Variants in FCN2 observed in about 807,000 individuals in gnomAD.
FCN2 encodes the protein ficolin 2, also known as ficolin-2.
Under a neutral mutation model 32.5 loss-of-function variants are expected in FCN2, and 31 were observed. That is an observed-to-expected ratio of 0.96 (90% CI 0.72 to 1.29). The LOEUF (loss-of-function observed/expected upper bound fraction) is 1.29, where lower values mean the gene tolerates loss of function less well. Ranked by LOEUF, FCN2 falls within the 50% of genes most tolerant of loss-of-function variation. The pLI, the probability that FCN2 is intolerant of heterozygous loss-of-function variation, is 0.00. For synonymous variants in FCN2, 181 were observed against 164.5 expected, an observed-to-expected ratio of 1.10 and a Z score of -0.77; for missense variants, 412 against 406.5, an observed-to-expected ratio of 1.01 and a Z score of -0.12.
At chr9:134,869,108 C>T in the FCN2 span, among the ~76,000 whole-genome samples, 1 of 152,216 alleles carries the variant, frequency 6.6e-6, no homozygotes, top group Non-Finnish European at 1.5e-5. Flanking sequence ...AGCCACCTGA[C>T]CCCGGCCGCC....
chr9:134,885,151 C>T (rs935042003), intron 4 of FCN2, 88 bp from the exon 5 acceptor site: 22 of 1,569,124 alleles, frequency 1.4e-5, no homozygotes, highest in Non-Finnish European at 1.9e-5. Context: ...GCCTATGGCC[C>T]TGCTTCTTCC....
rs1588644371 is a variant in FCN2 at position 134,884,678 on chromosome 9, G to A, written c.269-62G>A. 3.9e-6 allele frequency: 6 copies of A among 1,528,620 alleles called. No individual in the cohort carries two copies. The East Asian group carries it at 1.1e-4, about 29-fold the overall frequency. The allele number at this position is 1,528,620 out of a possible 1,614,324, so 94.7% of individuals were successfully genotyped here. A position where few individuals can be genotyped will look rare whatever the true frequency, so the allele number is the denominator to read the frequency against. On this transcript the variant is annotated intron_variant, in intron 3 of 7. Coordinates refer to ENST00000291744, the MANE Select transcript of FCN2 (RefSeq NM_004108.3). ...CAGAAAATGGTGTCCGCGGACCAAT[G>A]GGGGCTGAAGGGCTCTGATTTCCAA...
At chr9:134,884,909 C>G in intron 4 of FCN2, 137 bp downstream of exon 4, 1 of 849,770 alleles carries the variant, frequency 1.2e-6, no homozygotes, top group East Asian at 2.7e-5. Context: ...TTTCCTTGTC[C>G]CCTAATTATT....
chr9:134,886,310 T>C, intron 6 of FCN2, 120 bp from the exon 7 acceptor site: 1 of 1,202,452 alleles, frequency 8.3e-7, no homozygotes, highest in Non-Finnish European at 1.2e-6. Flanking sequence ...GCTGCGGTGC[T>C]CTCCGCCCTC....
In FCN2 at chr9:134,882,605, G is replaced by C; in HGVS notation, c.180G>C (p.Gly60=). 1 of 1,613,926 alleles carries C rather than the reference G, an allele frequency of 6.2e-7. No individual in the cohort carries two copies. Among genetic ancestry groups the C allele is most frequent in the Non-Finnish European group, 8.5e-7 (1 of 1,179,866 alleles). ...GTCCGGGGCTGCCTGGGGCCCCTGG[G>C]CCCAAGGGAGAGGCAGGCACCAATG... is the stretch of plus-strand genomic sequence containing the variant. ...RGCPGLPGAP[G]PKGEAGTNGK... The change falls in exon 2 of 8, where the codon GGG becomes GGC. Residue 60 remains glycine, a synonymous_variant. Transcript: ENST00000291744.
chr9:134,866,477 C>T, the FCN2 span, among the ~76,000 whole-genome samples: 1 of 149,964 alleles, frequency 6.7e-6, no homozygotes, highest in African/African-American at 2.4e-5. Context: ...ACACCTTATA[C>T]AAAAATCAAT....
chr9:134,870,809 G>C, the FCN2 span, among the ~76,000 whole-genome samples: 2 of 152,160 alleles, frequency 1.3e-5, no homozygotes, highest in African/African-American at 4.8e-5. The surrounding 1 kb of genome is among the most constrained non-coding windows in gnomAD (Gnocchi z 4.3). Context: ...ACGAAGGTGG[G>C]GTGGGAGGGA....
At chr9:134,875,275 T>C in the FCN2 span, among the ~76,000 whole-genome samples, 47 of 152,352 alleles carry the variant, frequency 3.1e-4, no homozygotes, top group Non-Finnish European at 5.4e-4. Context: ...TCTAATTGCA[T>C]TCATTCAGTC....
At chr9:134,882,689 AGAT>A in intron 2 of FCN2, 50 bp downstream of exon 2, 1 of 1,328,776 alleles carries the variant, frequency 7.5e-7, no homozygotes, top group Non-Finnish European at 1.1e-6. Context: ...TTTTGAAACC[AGAT>A]GCTGAGTTGG....
At chr9:134,866,739 A>G in the FCN2 span, among the ~76,000 whole-genome samples, 1 of 129,472 alleles carries the variant, frequency 7.7e-6, no homozygotes. Context: ...CAACCTACTC[A>G]TCTGACAAAG....
In FCN2 at chr9:134,886,508, C is replaced by T; in HGVS notation, c.638C>T (p.Ala213Val). 1 of 1,614,156 alleles carries T rather than the reference C, an allele frequency of 6.2e-7. No homozygotes were observed. Among genetic ancestry groups the T allele is most frequent in the South Asian group, 1.1e-5 (1 of 91,074 alleles). Reference sequence around the variant, plus strand: ...GCTAAGTACAGATCATTCAAGGTGGCCGACGAGGCGGAGAAGTACAATCTG... The same window carrying T: ...GCTAAGTACAGATCATTCAAGGTGGTCGACGAGGCGGAGAAGTACAATCTG... Reference protein sequence around the residue: ...QFAKYRSFKVADEAEKYNLVL... With the variant: ...QFAKYRSFKVVDEAEKYNLVL... Residue 213 changes from alanine (A) to valine (V), a missense_variant, in exon 7 of 8, where the codon GCC becomes GTC. Ala to Val is a moderately conservative substitution (Grantham distance 64). Coordinates refer to ENST00000291744, the MANE Select transcript of FCN2 (RefSeq NM_004108.3).
chr9:134,880,735 G>A (rs531062362), upstream of FCN2: 16 of 1,067,246 alleles, frequency 1.5e-5, no homozygotes, highest in African/African-American at 6.2e-5. Flanking sequence ...GCTGTCACTC[G>A]GAAGATGAGA....
At chr9:134,875,482 A>C in the FCN2 span, among the ~76,000 whole-genome samples, 1 of 152,218 alleles carries the variant, frequency 6.6e-6, no homozygotes, top group African/African-American at 2.4e-5. Flanking sequence ...CCAAGAGTAC[A>C]GCAAAGAGGA....
chr9:134,884,565 A>G (rs1830714951), intron 3 of FCN2, among the ~76,000 whole-genome samples, 175 bp from the exon 4 acceptor site: 1 of 152,214 alleles, frequency 6.6e-6, no homozygotes, highest in Non-Finnish European at 1.5e-5. Flanking sequence ...CAGTGTAGGC[A>G]TCCCTCGAGG....
the FCN2 span, among the ~76,000 whole-genome samples, chr9:134,875,569 C>G: frequency 7.2e-4 from 109 of 152,338 alleles, no homozygotes; most frequent in African/African-American, 2.4e-3. Context: ...GTTGCATTCT[C>G]TCACTCCCTT....
chr9:134,871,099 T>G, the FCN2 span, among the ~76,000 whole-genome samples: 6 of 152,302 alleles, frequency 3.9e-5, no homozygotes, highest in South Asian at 1.2e-3. Flanking sequence ...ATTGGTTGAT[T>G]GAGCGCTACG....
At chr9:134,866,475 T>A in the FCN2 span, among the ~76,000 whole-genome samples, 20,770 of 149,494 alleles carry the variant, frequency 0.14, 2,071 homozygotes, top group East Asian at 0.37. Context: ...TTACACCTTA[T>A]ACAAAAATCA....
At chr9:134,874,862 G>C in the FCN2 span, among the ~76,000 whole-genome samples, 2 of 152,074 alleles carry the variant, frequency 1.3e-5, no homozygotes, top group Non-Finnish European at 2.9e-5. Context: ...CATTTACTTA[G>C]ATCTTTAATT....
chr9:134,867,425 G>A, the FCN2 span, among the ~76,000 whole-genome samples: 2 of 146,210 alleles, frequency 1.4e-5, no homozygotes, highest in Non-Finnish European at 3.0e-5. Flanking sequence ...TCACTCATAG[G>A]TGGGAATTGA....
Sources: allele counts gnomAD v4.1 joint callset (sites outside exome capture counted in the v4.1 genomes callset), GRCh38; gene constraint gnomAD v4.1.1; non-coding constraint Gnocchi (gnomAD v3.1); transcripts MANE v1.5; gene names NCBI Gene and HGNC (gene_info 2026-07-23, HGNC 2026-07-21).